Variants in HAPLN1 observed in about 807,000 individuals in gnomAD.
The protein encoded by HAPLN1 is Cartilage link protein.
HAPLN1 carries 13 observed loss-of-function variants against 36.5 expected under a neutral mutation model. The observed-to-expected ratio is 0.36, with a 90% CI of 0.23 to 0.57. The LOEUF (loss-of-function observed/expected upper bound fraction) is 0.57, where lower values mean the gene tolerates loss of function less well. Ranked by LOEUF, HAPLN1 falls within the 20% of genes least tolerant of loss-of-function variation. The pLI, the probability that HAPLN1 is intolerant of heterozygous loss-of-function variation, is 0.83. For missense variants in HAPLN1, 407 were observed against 439.7 expected (o/e 0.93, Z 0.66); for synonymous variants, 202 against 169.8 (o/e 1.19, Z -1.48).
chr5:83,692,508 A>G (rs1240141523), intron 1 of HAPLN1, among the ~76,000 whole-genome samples: 1 of 151,934 alleles, frequency 6.6e-6, no homozygotes, highest in Non-Finnish European at 1.5e-5. Flanking sequence ...AAAACTGTCC[A>G]CCTAGAATTC....
chr5:83,686,313 C>T lies in HAPLN1; in HGVS notation c.-26-12764G>A, dbSNP rs73133863. Reference sequence around the variant, plus strand: ...GAGAAAATTATGACAGGTAAAACAACGAAACAGCTGTTGCTAGAGGTGAAA... The same window carrying T: ...GAGAAAATTATGACAGGTAAAACAATGAAACAGCTGTTGCTAGAGGTGAAA... On this transcript the variant is annotated intron_variant, in intron 1 of 4. Coordinates refer to ENST00000274341, the MANE Select transcript of HAPLN1 (RefSeq NM_001884.4). 5.6e-3 allele frequency among the ~76,000 whole-genome samples: 846 copies of T among 152,184 alleles called. 8 individuals carry two copies. Among genetic ancestry groups the T allele is most frequent in the African/African-American group, 0.019 (788 of 41,530 alleles).
intron 1 of HAPLN1, 188 bp from the exon 2 acceptor site, chr5:83,673,737 C>A (rs11738814): frequency 0.094 from 47,848 of 507,280 alleles, 2,830 homozygotes; most frequent in South Asian, 0.12. Context: ...TTCCTGCTAC[C>A]ATCATGTAGC....
In HAPLN1 at chr5:83,639,869, AATAT is replaced by A. The variant is rs1749630345; in HGVS notation, c.*1623_*1626del. 6.6e-6 allele frequency: 1 copy of A among 152,110 alleles called. No homozygotes were observed. The highest frequency in any genetic ancestry group is 1.5e-5 in the Non-Finnish European group (1 of 67,946). The allele number at this position is 152,110 out of a possible 1,614,324, so 9.4% of individuals were successfully genotyped here. On this transcript the variant is annotated 3_prime_UTR_variant, in exon 5 of 5. Transcript: ENST00000274341. The stretch of plus-strand genomic sequence containing the variant: ...TTTTATTACAATATTTTGTCTGAAT[AATAT>A]ATGATTATAGTTATGGTTTCATGGA...
chr5:83,676,217 CAG>C (rs1016858850), intron 1 of HAPLN1, among the ~76,000 whole-genome samples: 3 of 109,588 alleles, frequency 2.7e-5, no homozygotes, highest in African/African-American at 7.8e-5. Context: ...CACACATACA[CAG>C]AGATACGCAC....
At chr5:83,656,588 A>T (rs1750224342) in intron 2 of HAPLN1, among the ~76,000 whole-genome samples, 1 of 152,138 alleles carries the variant, frequency 6.6e-6, no homozygotes, top group African/African-American at 2.4e-5. Context: ...CTGTATGTTG[A>T]AATTGGGGAA....
chr5:83,711,454 G>T (rs1226234837), intron 1 of HAPLN1, among the ~76,000 whole-genome samples: 2 of 152,108 alleles, frequency 1.3e-5, no homozygotes, highest in Non-Finnish European at 2.9e-5. Context: ...TTTGTTTTTT[G>T]GATCCCTTTG....
intron 1 of HAPLN1, among the ~76,000 whole-genome samples, chr5:83,675,044 A>C (rs932805847): frequency 6.6e-6 from 1 of 152,176 alleles, no homozygotes; most frequent in African/African-American, 2.4e-5. Flanking sequence ...CTGATTTACT[A>C]GTCTTATTTT....
chr5:83,665,914 T>C (rs554971682), intron 2 of HAPLN1, among the ~76,000 whole-genome samples: 188 of 152,340 alleles, frequency 1.2e-3, no homozygotes, highest in Non-Finnish European at 2.2e-3. Flanking sequence ...ATACTATTTG[T>C]ACTGACTACT....
intron 3 of HAPLN1, among the ~76,000 whole-genome samples, chr5:83,645,875 A>C (rs1749859074): frequency 6.6e-6 from 1 of 152,176 alleles, no homozygotes; most frequent in Admixed American, 6.5e-5. Flanking sequence ...TTTTTATTAT[A>C]AACAGGAAAA....
At chr5:83,709,391 A>C (rs1751725801) in intron 1 of HAPLN1, among the ~76,000 whole-genome samples, 1 of 152,104 alleles carries the variant, frequency 6.6e-6, no homozygotes, top group East Asian at 1.9e-4. Flanking sequence ...TACATCTCCT[A>C]TTGGTCTATT....
intron 1 of HAPLN1, among the ~76,000 whole-genome samples, chr5:83,713,613 A>C (rs1372634542): frequency 6.6e-6 from 1 of 152,176 alleles, no homozygotes; most frequent in African/African-American, 2.4e-5. Flanking sequence ...TGTACTTAAG[A>C]AATGTGCATT....
intron 1 of HAPLN1, among the ~76,000 whole-genome samples, chr5:83,719,972 G>T (rs1267233186): frequency 6.6e-6 from 1 of 152,134 alleles, no homozygotes. Flanking sequence ...TATTTTTCCA[G>T]TGATAAATGA....
In HAPLN1 at chr5:83,686,542, G is replaced by A. The variant is rs142154727; in HGVS notation, c.-26-12993C>T. On this transcript the variant is annotated intron_variant, in intron 1 of 4. Coordinates refer to ENST00000274341, the MANE Select transcript of HAPLN1 (RefSeq NM_001884.4). ...CAATAAAGTAAGAAGGATCAATGTC[G>A]CTAAACTTCAGATAGTATGTTTTAG... 7.9e-5 allele frequency among the ~76,000 whole-genome samples: 12 copies of A among 152,256 alleles called. No individual in the cohort carries two copies. The East Asian group carries it at 1.3e-3, about 17-fold the overall frequency.
At chr5:83,694,141 A>T (rs1036567814) in intron 1 of HAPLN1, among the ~76,000 whole-genome samples, 1 of 152,016 alleles carries the variant, frequency 6.6e-6, no homozygotes, top group Non-Finnish European at 1.5e-5. Flanking sequence ...AAACAAAAAG[A>T]TATGTGGAAT....
At chr5:83,644,323 C>T in intron 4 of HAPLN1, 40 bp downstream of exon 4, 1 of 1,411,588 alleles carries the variant, frequency 7.1e-7, no homozygotes, top group Non-Finnish European at 9.4e-7. Context: ...ATGGAATAGT[C>T]TGTGAGATAG....
chr5:83,693,497 T>C (rs189792652), intron 1 of HAPLN1, among the ~76,000 whole-genome samples: 28 of 151,922 alleles, frequency 1.8e-4, no homozygotes, highest in Admixed American at 1.8e-3. Context: ...TATCAATATT[T>C]TAATTAAGGG....
intron 1 of HAPLN1, 56 bp from the exon 2 acceptor site, chr5:83,673,605 T>C: frequency 3.2e-6 from 3 of 936,922 alleles, no homozygotes; most frequent in Non-Finnish European, 5.2e-6. Context: ...TTTGGAGTGT[T>C]GCACTGCACA....
chr5:83,688,642 C>CTTTTTTTTTTTTTTTTTTT (rs539790396), intron 1 of HAPLN1, among the ~76,000 whole-genome samples: 3 of 80,560 alleles, frequency 3.7e-5, no homozygotes, highest in Non-Finnish European at 6.8e-5. Flanking sequence ...GCTTTTGATT[C>CTTTTTTTTTTTTTTTTTTT]TTTTTTTTTT....
chr5:83,701,848 C>G (rs1240297846), intron 1 of HAPLN1, among the ~76,000 whole-genome samples: 3 of 152,016 alleles, frequency 2.0e-5, no homozygotes, highest in African/African-American at 7.2e-5. Flanking sequence ...ATTGCTTGAA[C>G]CCGGGAGACG....
Sources: allele counts gnomAD v4.1 joint callset (sites outside exome capture counted in the v4.1 genomes callset), GRCh38; gene constraint gnomAD v4.1.1; transcripts MANE v1.5; gene names NCBI Gene and HGNC (gene_info 2026-07-23, HGNC 2026-07-21).